Variants in ADAP1 observed in about 807,000 individuals in gnomAD.
ADAP1 encodes ArfGAP with dual PH domains 1.
Under a neutral mutation model 54.9 loss-of-function variants are expected in ADAP1, and 31 were observed. The observed-to-expected ratio is 0.56, with a 90% CI of 0.42 to 0.76. The LOEUF is 0.76. Ranked by LOEUF, ADAP1 falls within the 30% of genes least tolerant of loss-of-function variation. The pLI, the probability that ADAP1 is intolerant of heterozygous loss-of-function variation, is 0.00. For synonymous variants in ADAP1, 313 were observed against 202.6 expected (o/e 1.55, Z -4.63); for missense variants, 535 against 512.4 (o/e 1.04, Z -0.42).
intron 4 of ADAP1, among the ~76,000 whole-genome samples, chr7:905,820 AGAAG>A (rs1262533021): frequency 5.8e-5 from 2 of 34,456 alleles, no homozygotes; most frequent in African/African-American, 1.7e-4. Context: ...AGGAGAAGGG[AGAAG>A]GGAGAAGGGA....
At chr7:916,381 T>G (rs1322236163) in intron 4 of ADAP1, among the ~76,000 whole-genome samples, 1 of 152,198 alleles carries the variant, frequency 6.6e-6, no homozygotes, top group Non-Finnish European at 1.5e-5. Context: ...CCCAGTGAAG[T>G]TGGATTTTCC....
At chr7:917,768 G>A (rs958533120) in intron 4 of ADAP1, among the ~76,000 whole-genome samples, 3 of 151,784 alleles carry the variant, frequency 2.0e-5, no homozygotes, top group African/African-American at 7.3e-5. Context: ...TCACAAATAC[G>A]ATTCATCTTT....
At chr7:922,946 C>T (rs1027637922) in intron 3 of ADAP1, 4 of 151,508 alleles carry the variant, frequency 2.6e-5, no homozygotes, top group Non-Finnish European at 4.4e-5. Context: ...CCCTGACCCC[C>T]GGGCCTGAGT....
In ADAP1 at chr7:945,619, G is replaced by T. The variant is rs1847118120; in HGVS notation, c.82+8777C>A. 2 of 520,096 alleles carry T rather than the reference G, an allele frequency of 3.8e-6. No homozygotes were observed. The highest frequency in any genetic ancestry group is 6.4e-5 in the Admixed American group (1 of 15,718). The allele number at this position is 520,096 out of a possible 1,614,324, so 32.2% of individuals were successfully genotyped here. A position where few individuals can be genotyped will look rare whatever the true frequency, so the allele number is the denominator to read the frequency against. On this transcript the variant is annotated intron_variant, in intron 1 of 10. Coordinates refer to ENST00000265846, the MANE Select transcript of ADAP1 (RefSeq NM_006869.4). The surrounding 1 kb of genome is among the most constrained non-coding windows in gnomAD (Gnocchi z 4.2). ...GTGGAGATGGAGGCCCTGAGTGCCAGGTAGGGAGGGGCAGGCCCAAGACTC... is the reference window on the plus strand; with the variant it reads ...GTGGAGATGGAGGCCCTGAGTGCCATGTAGGGAGGGGCAGGCCCAAGACTC...
Position 920,454 on chromosome 7 carries a change from G to A in ADAP1, c.306-404C>T, listed in dbSNP as rs761478340. Among the ~76,000 whole-genome samples, 1 of 116,232 alleles carries A rather than the reference G, an allele frequency of 8.6e-6. No homozygotes were observed. Among genetic ancestry groups the A allele is most frequent in the Non-Finnish European group, 1.7e-5 (1 of 57,420 alleles). 76.3% of individuals were successfully genotyped at this position (116,232 alleles called of 152,430 possible). A position where few individuals can be genotyped will look rare whatever the true frequency, so the allele number is the denominator to read the frequency against. ...GGCCCTCCCCGACCCTCCCCACCTC[G>A]TTGGACCGGATCTGGGAAGTGGCCG... On this transcript the variant is annotated intron_variant, in intron 3 of 10. Coordinates refer to ENST00000265846, the MANE Select transcript of ADAP1 (RefSeq NM_006869.4). The surrounding 1 kb of genome is among the most constrained non-coding windows in gnomAD (Gnocchi z 4.5).
chr7:903,488 T>TA (rs1562908530), intron 6 of ADAP1, among the ~76,000 whole-genome samples: 1 of 152,174 alleles, frequency 6.6e-6, no homozygotes. Flanking sequence ...TATAGCGCTT[T>TA]AGACCGTGTG....
At chr7:903,961 G>A in intron 6 of ADAP1, 165 bp downstream of exon 6, 1 of 888,556 alleles carries the variant, frequency 1.1e-6, no homozygotes, top group East Asian at 3.1e-5. Flanking sequence ...ACACGTCCAA[G>A]CACCCGCCTT....
At position 898,660 on chromosome 7, in the gene ADAP1, G is replaced by A. The variant is rs1319573403; in HGVS notation, c.*261C>T. The A allele has an allele frequency of 1.8e-5, 10 of 551,640 alleles. No homozygotes were observed. In the East Asian group the frequency reaches 3.1e-4, roughly 17 times the overall value. 34.2% of individuals were successfully genotyped at this position (551,640 alleles called of 1,614,324 possible). ...GGCCCTGGAGGAAAGGGGGCCCCGG[G>A]TCAGGGAGGGGCAGGTTGGCTGGGT... On this transcript the variant is annotated 3_prime_UTR_variant, in exon 11 of 11. Transcript: ENST00000265846.
chr7:927,367 G>T, intron 2 of ADAP1: 1 of 690,168 alleles, frequency 1.4e-6, no homozygotes. Flanking sequence ...CAGGTATGGT[G>T]AGCCTTGAGC....
At chr7:900,362 A>G (rs532474694) in intron 7 of ADAP1, among the ~76,000 whole-genome samples, 171 bp downstream of exon 7, 55 of 152,058 alleles carry the variant, frequency 3.6e-4, no homozygotes, top group African/African-American at 1.3e-3. Context: ...GCTGAGCTGA[A>G]GTTCTAGAGT....
chr7:927,117 G>C, intron 2 of ADAP1: 2 of 1,304,154 alleles, frequency 1.5e-6, no homozygotes, highest in Non-Finnish European at 2.0e-6. Context: ...GTGAGCGAGA[G>C]ACCCAGATGT....
intron 4 of ADAP1, among the ~76,000 whole-genome samples, chr7:906,678 CAGGGGACACGGGGGACATGGACAT>C (rs1845412750): frequency 2.9e-5 from 2 of 69,848 alleles, no homozygotes; most frequent in Non-Finnish European, 2.5e-5. Flanking sequence ...GGGACATGGA[CAGGGGACACGGGGGACATGGACAT>C]GGGGGACGGG....
Position 899,279 on chromosome 7 carries a change from A to G in ADAP1, c.868-18T>C, listed in dbSNP as rs1400048620. 1.2e-6 allele frequency: 2 copies of G among 1,611,972 alleles called. No individual in the cohort carries two copies. The highest frequency in any genetic ancestry group is 1.7e-5 in the Admixed American group (1 of 59,984). ...AAGGCGTCCTGTGGGTGGGGACCGC[A>G]CTGGAGGCGGGGCCATGTCCCTTCC... On this transcript the variant is annotated intron_variant, in intron 9 of 10. Transcript: ENST00000265846.
At chr7:919,560 GAT>G (rs1214328996) in intron 4 of ADAP1, among the ~76,000 whole-genome samples, 5 of 101,828 alleles carry the variant, frequency 4.9e-5, no homozygotes, top group African/African-American at 2.2e-4. Flanking sequence ...GAGAGACAGA[GAT>G]AGAGAGAGGA....
chr7:951,468 C>G (rs1847270410), intron 1 of ADAP1, among the ~76,000 whole-genome samples: 1 of 152,132 alleles, frequency 6.6e-6, no homozygotes, highest in Non-Finnish European at 1.5e-5. Context: ...GCCTTCTTCC[C>G]ACCCTCACCC....
rs182481849 is a variant in ADAP1, at chr7:907,674, C to A, written c.389-2502G>T. Among the ~76,000 whole-genome samples the A allele has an allele frequency of 2.2e-4, 34 of 152,342 alleles. No individual in the cohort carries two copies. In the East Asian group the frequency reaches 5.8e-3, roughly 26 times the overall value. On this transcript the variant is annotated intron_variant, in intron 4 of 10. Coordinates refer to ENST00000265846, the MANE Select transcript of ADAP1 (RefSeq NM_006869.4). The stretch of plus-strand genomic sequence containing the variant: ...CTGTGTCCTGCGGACTCAGATGCAG[C>A]TTCTTCTATGGCCCTGGCTGTCCCG...
At chr7:911,001 C>T (rs1225968167) in intron 4 of ADAP1, among the ~76,000 whole-genome samples, 3 of 152,174 alleles carry the variant, frequency 2.0e-5, no homozygotes, top group South Asian at 2.1e-4. Context: ...CACAGGGCTC[C>T]GTCTCTCCCT....
chr7:908,410 G>A (rs1003602123), intron 4 of ADAP1, among the ~76,000 whole-genome samples: 1 of 152,162 alleles, frequency 6.6e-6, no homozygotes, highest in South Asian at 2.1e-4. Context: ...GGCTGTCTTG[G>A]ATGGTGCCAG....
intron 6 of ADAP1, among the ~76,000 whole-genome samples, chr7:902,753 G>A (rs553722769): frequency 2.7e-5 from 4 of 148,100 alleles, no homozygotes; most frequent in Admixed American, 6.7e-5. Flanking sequence ...CCCTGGGCCT[G>A]TACCCAGCAC....
Sources: allele counts gnomAD v4.1 joint callset (sites outside exome capture counted in the v4.1 genomes callset), GRCh38; gene constraint gnomAD v4.1.1; non-coding constraint Gnocchi (gnomAD v3.1); transcripts MANE v1.5; gene names NCBI Gene and HGNC (gene_info 2026-07-23, HGNC 2026-07-21).